SUGCT: variants seen among roughly 807,000 people sequenced by gnomAD.
The protein encoded by SUGCT is succinyl-CoA:glutarate CoA-transferase.
In SUGCT, 41 loss-of-function variants were observed where a neutral mutation model predicts 55.0. That is an observed-to-expected ratio of 0.74 (90% CI 0.58 to 0.97). SUGCT has a LOEUF of 0.97. SUGCT is among the 50% of genes least tolerant of loss of function. The pLI, the probability that SUGCT is intolerant of heterozygous loss-of-function variation, is 0.00. For synonymous variants in SUGCT, 187 were observed against 200.4 expected (o/e 0.93, Z 0.56); for missense variants, 568 against 547.8 (o/e 1.04, Z -0.37).
chr7:40,392,312 T>C (rs1368127766), intron 9 of SUGCT, among the ~76,000 whole-genome samples: 1 of 152,060 alleles, frequency 6.6e-6, no homozygotes, highest in Admixed American at 6.6e-5. Flanking sequence ...TAAAGAATAG[T>C]CATAATACAA....
intron 8 of SUGCT, among the ~76,000 whole-genome samples, chr7:40,298,192 TAA>T (rs879865961): frequency 1.1e-4 from 16 of 142,860 alleles, no homozygotes; most frequent in South Asian, 2.2e-4. Flanking sequence ...TATCTTGATT[TAA>T]AAAAAAAAAA....
the SUGCT span, among the ~76,000 whole-genome samples, chr7:40,943,206 T>A: frequency 1.6e-4 from 25 of 151,772 alleles, no homozygotes; most frequent in Admixed American, 3.3e-4. Flanking sequence ...TAATTATTTT[T>A]AATTTATTTT....
At chr7:40,303,178 C>T (rs554545101) in intron 8 of SUGCT, among the ~76,000 whole-genome samples, 4 of 151,974 alleles carry the variant, frequency 2.6e-5, no homozygotes, top group Middle Eastern at 3.4e-3. Flanking sequence ...GGATTACAGG[C>T]GCCTGCCACC....
intron 13 of SUGCT, among the ~76,000 whole-genome samples, chr7:40,789,049 T>A (rs936450654): frequency 2.6e-5 from 4 of 152,212 alleles, no homozygotes; most frequent in Non-Finnish European, 5.9e-5. Context: ...CAGGGTTTCA[T>A]CACTGGGATC....
chr7:40,803,241 T>C (rs151265342), intron 13 of SUGCT, among the ~76,000 whole-genome samples: 1 of 152,294 alleles, frequency 6.6e-6, no homozygotes, highest in Non-Finnish European at 1.5e-5. Flanking sequence ...GTAATAGTAA[T>C]AATGAAAAGT....
chr7:40,808,740 C>T (rs970660954), intron 13 of SUGCT, among the ~76,000 whole-genome samples: 4 of 152,186 alleles, frequency 2.6e-5, no homozygotes, highest in Admixed American at 2.0e-4. Flanking sequence ...GATTGTTTTC[C>T]TTCCCATGAA....
At chr7:40,443,344 G>A (rs977155994) in intron 9 of SUGCT, among the ~76,000 whole-genome samples, 2 of 152,206 alleles carry the variant, frequency 1.3e-5, no homozygotes, top group African/African-American at 4.8e-5. Flanking sequence ...CACCAACAGT[G>A]TAAAAGTGCT....
chr7:40,363,695 T>C (rs1798267184), intron 9 of SUGCT, among the ~76,000 whole-genome samples: 1 of 152,188 alleles, frequency 6.6e-6, no homozygotes, highest in African/African-American at 2.4e-5. Flanking sequence ...TTATAATTTC[T>C]GTTCTTTTAC....
At chr7:40,557,402 A>T (rs1237502818) in intron 12 of SUGCT, among the ~76,000 whole-genome samples, 1 of 152,174 alleles carries the variant, frequency 6.6e-6, no homozygotes, top group East Asian at 1.9e-4. Flanking sequence ...CTTGGATATG[A>T]CCCCAAAAGC....
At chr7:40,977,113 T>C in the SUGCT span, among the ~76,000 whole-genome samples, 2 of 152,128 alleles carry the variant, frequency 1.3e-5, no homozygotes, top group South Asian at 4.2e-4. Flanking sequence ...CAGGATGGAG[T>C]GAGTGTGAGA....
the SUGCT span, among the ~76,000 whole-genome samples, chr7:40,956,403 G>A: frequency 1.3e-5 from 2 of 152,114 alleles, no homozygotes; most frequent in African/African-American, 4.8e-5. Context: ...AGATTTTCTA[G>A]TTTATTCAGG....
At chr7:40,231,442 T>A (rs971836449) in intron 6 of SUGCT, among the ~76,000 whole-genome samples, 3 of 152,144 alleles carry the variant, frequency 2.0e-5, no homozygotes, top group African/African-American at 7.2e-5. Flanking sequence ...ATAAGTACTT[T>A]AGAGAGAATG....
intron 12 of SUGCT, among the ~76,000 whole-genome samples, chr7:40,594,176 G>T (rs1054626817): frequency 1.3e-5 from 2 of 152,056 alleles, no homozygotes; most frequent in Non-Finnish European, 2.9e-5. Flanking sequence ...GGACTGTGGT[G>T]GGGTGCGGGG....
At chr7:40,379,048 GGCAGAAGATGTC>G (rs1784742769) in intron 9 of SUGCT, among the ~76,000 whole-genome samples, 1 of 152,140 alleles carries the variant, frequency 6.6e-6, no homozygotes, top group East Asian at 1.9e-4. Flanking sequence ...ATCAGAGAGA[GGCAGAAGATGTC>G]TTGAGACACA....
chr7:40,898,480 CGG>C, the SUGCT span, among the ~76,000 whole-genome samples: 79 of 5,694 alleles, frequency 0.014, 7 homozygotes, highest in Middle Eastern at 0.11. Flanking sequence ...TCCGGGAGGT[CGG>C]GGGGGGGGGG....
At chr7:40,956,057 G>A in the SUGCT span, among the ~76,000 whole-genome samples, 6 of 152,074 alleles carry the variant, frequency 3.9e-5, no homozygotes, top group African/African-American at 1.2e-4. Flanking sequence ...TTTTTGCATC[G>A]ATGTTCATCA....
chr7:40,433,815 G>A (rs537655910), intron 9 of SUGCT, among the ~76,000 whole-genome samples: 3 of 152,212 alleles, frequency 2.0e-5, no homozygotes, highest in African/African-American at 7.2e-5. Flanking sequence ...CTGTTATTGT[G>A]CATAAAAATA....
rs1007496614 is a variant in SUGCT, at chr7:40,727,656, G to A, written c.1090-21778G>A. Among the ~76,000 whole-genome samples the A allele has an allele frequency of 2.0e-5, 3 of 151,368 alleles. No homozygotes were observed. The South Asian group carries it at 6.2e-4, about 31-fold the overall frequency. On this transcript the variant is annotated intron_variant, in intron 12 of 13. Coordinates refer to ENST00000335693, the MANE Select transcript of SUGCT (RefSeq NM_001193313.2). ...TTGATCTTTGATAAACAATGTACCT[G>A]TCAATTTAATGTAACTTTTTGTCTA...
At chr7:40,795,890 G>A (rs1458425268) in intron 13 of SUGCT, among the ~76,000 whole-genome samples, 1 of 152,172 alleles carries the variant, frequency 6.6e-6, no homozygotes, top group Non-Finnish European at 1.5e-5. Flanking sequence ...GGTCAAACAT[G>A]CTGAGAGAAT....
Sources: allele counts gnomAD v4.1 joint callset (sites outside exome capture counted in the v4.1 genomes callset), GRCh38; gene constraint gnomAD v4.1.1; transcripts MANE v1.5; gene names NCBI Gene and HGNC (gene_info 2026-07-23, HGNC 2026-07-21).